The following KDM4C variants were observed in gnomAD, a reference collection of about 807,000 sequenced individuals.
KDM4C encodes lysine-specific demethylase 4C.
Under a neutral mutation model 129.3 loss-of-function variants are expected in KDM4C, and 81 were observed. The ratio of observed to expected loss-of-function variants is 0.63; its 90% CI spans 0.52 to 0.75. KDM4C has a LOEUF of 0.75. KDM4C is among the 30% of genes least tolerant of loss of function. KDM4C has a pLI of 0.00. For missense variants in KDM4C, 1,457 were observed against 1,304.0 expected, an observed-to-expected ratio of 1.12 and a Z score of -1.81; for synonymous variants, 573 against 456.1, an observed-to-expected ratio of 1.26 and a Z score of -3.26.
chr9:6,954,648 A>G (rs1005520217), intron 8 of KDM4C, among the ~76,000 whole-genome samples: 1 of 152,206 alleles, frequency 6.6e-6, no homozygotes, highest in Non-Finnish European at 1.5e-5. Context: ...AAATTGTGAA[A>G]GGCAGCTTTT....
intron 8 of KDM4C, among the ~76,000 whole-genome samples, chr9:6,932,043 G>A (rs555432077): frequency 1.1e-4 from 16 of 152,334 alleles, no homozygotes; most frequent in South Asian, 4.1e-4. Flanking sequence ...CATTTGGGCC[G>A]TGACTATTGT....
upstream of KDM4C, among the ~76,000 whole-genome samples, chr9:6,755,429 T>C (rs184315543): frequency 2.0e-4 from 31 of 151,988 alleles, no homozygotes; most frequent in African/African-American, 7.2e-4. Context: ...TAATGCCAGC[T>C]GCTCAGGAGA....
At chr9:7,027,998 C>T (rs1473685921) in intron 15 of KDM4C, among the ~76,000 whole-genome samples, 1 of 152,072 alleles carries the variant, frequency 6.6e-6, no homozygotes, top group African/African-American at 2.4e-5. Context: ...ACTGGGCTCC[C>T]CGCTGGCCCA....
chr9:7,031,327 T>G (rs1327317455), intron 15 of KDM4C, among the ~76,000 whole-genome samples: 1 of 151,654 alleles, frequency 6.6e-6, no homozygotes, highest in Non-Finnish European at 1.5e-5. Flanking sequence ...CATGCCCAGG[T>G]TTTTTGTATT....
chr9:7,088,522 G>C (rs10815513), intron 17 of KDM4C, among the ~76,000 whole-genome samples: 1 of 152,030 alleles, frequency 6.6e-6, no homozygotes, highest in Non-Finnish European at 1.5e-5. Context: ...AGTAGTCCAT[G>C]ATTTGTAGCC....
chr9:6,757,672 G>A, upstream of KDM4C: 1 of 985,518 alleles, frequency 1.0e-6, no homozygotes, highest in Non-Finnish European at 1.2e-6. Context: ...CCAGGAGGAC[G>A]TGTGGCGCGT....
At chr9:6,937,507 A>C (rs1563845250) in intron 8 of KDM4C, among the ~76,000 whole-genome samples, 1 of 152,082 alleles carries the variant, frequency 6.6e-6, no homozygotes, top group African/African-American at 2.4e-5. Flanking sequence ...TTTGTGTTTA[A>C]ACAACAGTTT....
Position 7,170,399 on chromosome 9 carries a change from A to G in KDM4C, c.2994+509A>G, listed in dbSNP as rs941320007. The G allele has an allele frequency of 7.0e-6, 7 of 994,656 alleles. No individual in the cohort carries two copies. The African/African-American group carries it at 1.2e-4, about 17-fold the overall frequency. The allele number at this position is 994,656 out of a possible 1,614,324, so 61.6% of individuals were successfully genotyped here. A position where few individuals can be genotyped will look rare whatever the true frequency, so the allele number is the denominator to read the frequency against. ...GCTAAACTCTGACTTTCATAATAAA[A>G]GGGATAAACAAAGCCTAAATGCTAG... On this transcript the variant is annotated intron_variant, in intron 21 of 21. Transcript: ENST00000381309.
intron 1 of KDM4C, among the ~76,000 whole-genome samples, chr9:6,774,923 A>G (rs570813162): frequency 6.6e-6 from 1 of 152,310 alleles, no homozygotes. Context: ...TTATGCATTT[A>G]TCCTTAAAGA....
chr9:6,778,864 C>G (rs1243059390), intron 1 of KDM4C, among the ~76,000 whole-genome samples: 1 of 149,102 alleles, frequency 6.7e-6, no homozygotes, highest in African/African-American at 2.5e-5. Flanking sequence ...TTCGCCCAGA[C>G]TGGAGTGCAA....
chr9:7,081,110 G>A (rs72703378), intron 17 of KDM4C, among the ~76,000 whole-genome samples: 3,671 of 152,296 alleles, frequency 0.024, 56 homozygotes, highest in South Asian at 0.069. Flanking sequence ...CAGGTGAATG[G>A]GAAGGCTGAG....
At chr9:6,802,573 A>G (rs1369561022) in intron 2 of KDM4C, among the ~76,000 whole-genome samples, 3 of 152,218 alleles carry the variant, frequency 2.0e-5, no homozygotes, top group Non-Finnish European at 2.9e-5. Context: ...CAAAATACTG[A>G]GTAGGAATGA....
chr9:6,807,307 G>C (rs1830183781), intron 3 of KDM4C, among the ~76,000 whole-genome samples: 1 of 150,440 alleles, frequency 6.6e-6, no homozygotes. Flanking sequence ...CCGCCAACCC[G>C]TCTGGGAAGT....
chr9:7,079,977 C>G (rs1834347404), intron 17 of KDM4C, among the ~76,000 whole-genome samples: 2 of 151,832 alleles, frequency 1.3e-5, no homozygotes, highest in Admixed American at 1.3e-4. Flanking sequence ...GATAAAGGTA[C>G]AGGCTTTGAG....
chr9:7,170,698 A>G (rs1250546735), intron 21 of KDM4C: 2 of 977,584 alleles, frequency 2.0e-6, no homozygotes, highest in East Asian at 1.1e-4. Context: ...TTTTCTGACT[A>G]AAATGAAATT....
At chr9:7,164,263 C>T (rs138144085) in intron 19 of KDM4C, among the ~76,000 whole-genome samples, 52 of 151,794 alleles carry the variant, frequency 3.4e-4, no homozygotes, top group African/African-American at 1.2e-3. Flanking sequence ...GTGTCCTACT[C>T]AATACATACA....
chr9:6,792,954 C>G lies in KDM4C; in HGVS notation c.-17-18C>G, dbSNP rs766846379. 1.2e-6 allele frequency: 2 copies of G among 1,612,982 alleles called. No homozygotes were observed. Among genetic ancestry groups the G allele is most frequent in the African/African-American group, 2.7e-5 (2 of 74,840 alleles). On this transcript the variant is annotated intron_variant, in intron 1 of 21. Coordinates refer to ENST00000381309, the MANE Select transcript of KDM4C (RefSeq NM_015061.6). ...ATATAATAATTCAGTTCTGTTGACC[C>G]TACTGTCTTCTCTCCAGACACTGCC... is the stretch of plus-strand genomic sequence containing the variant.
intron 8 of KDM4C, among the ~76,000 whole-genome samples, chr9:6,969,476 C>T (rs1022541981): frequency 6.6e-6 from 1 of 152,112 alleles, no homozygotes; most frequent in African/African-American, 2.4e-5. Context: ...TTGTTTTGAA[C>T]ACATGTAAAA....
intron 8 of KDM4C, among the ~76,000 whole-genome samples, chr9:6,919,664 C>A (rs2131186554): frequency 6.6e-6 from 1 of 151,814 alleles, no homozygotes; most frequent in Non-Finnish European, 1.5e-5. Flanking sequence ...CAATCTCCGC[C>A]TCCCGGGTTC....
Sources: gnomAD v4.1 joint callset for allele counts (sites outside exome capture counted in the v4.1 genomes callset) on GRCh38, gnomAD v4.1.1 for gene constraint, MANE v1.5 for transcripts, NCBI Gene and HGNC (gene_info 2026-07-23, HGNC 2026-07-21) for gene names.